The following ZKSCAN5 variants were observed in gnomAD, a reference collection of about 807,000 sequenced individuals.
The protein encoded by ZKSCAN5 is zinc finger protein with KRAB and SCAN domains 5.
ZKSCAN5 carries 28 observed loss-of-function variants against 60.0 expected under a neutral mutation model. That is an observed-to-expected ratio of 0.47 (90% CI 0.35 to 0.64). The LOEUF (loss-of-function observed/expected upper bound fraction) is 0.64. Among genes scored for constraint, ZKSCAN5 ranks in the 30% least tolerant of loss-of-function variants. ZKSCAN5 has a pLI of 0.01. For synonymous variants in ZKSCAN5, 361 were observed against 371.2 expected (o/e 0.97, Z 0.31); for missense variants, 881 against 1,034.6 (o/e 0.85, Z 2.04).
At chr7:99,508,664 G>A (rs570405939) in intron 2 of ZKSCAN5, among the ~76,000 whole-genome samples, 15 of 150,920 alleles carry the variant, frequency 9.9e-5, no homozygotes, top group Admixed American at 6.0e-4. Flanking sequence ...CAGTAGAATC[G>A]CTTGAACTTG....
Position 99,526,406 on chromosome 7 carries a change from A to G in ZKSCAN5, c.1366A>G (p.Lys456Glu), listed in dbSNP as rs2151114564. ...ACACCTAAAACGCCACTTCAGGGAG[A>G]AATCCCAGAGATGTACGTGTGAGGA... ...IEHLKRHFRE[K>E]SQRCSDKRSK... Residue 456 changes from lysine to glutamate, a missense_variant, in exon 6 of 7, where the codon AAA becomes GAA. Lys to Glu is a moderately conservative substitution (Grantham distance 56). Around this residue, in one of 5 missense-constraint regions of ZKSCAN5, gnomAD observed 490 missense variants for 554.5 expected, o/e 0.88. Coordinates refer to ENST00000326775, the MANE Select transcript of ZKSCAN5 (RefSeq NM_145102.4). 2 of 1,599,386 alleles carry G rather than the reference A, an allele frequency of 1.3e-6. No homozygotes were observed. The highest frequency in any genetic ancestry group is 1.7e-6 in the Non-Finnish European group (2 of 1,179,358).
At position 99,528,206 on chromosome 7, in the gene ZKSCAN5, C is replaced by A. The variant is rs1331007766; in HGVS notation, c.1378+1788C>A. Among the ~76,000 whole-genome samples, 25 of 148,430 alleles carry A rather than the reference C, an allele frequency of 1.7e-4. No individual in the cohort carries two copies. In the Admixed American group the frequency reaches 1.7e-3, roughly 10 times the overall value. ...CATGGCACAGAAGTCAGTAAAGTGTCTTTAAAGTTCTGGGTTTGAGCTGAG... is the reference window on the plus strand; with the variant it reads ...CATGGCACAGAAGTCAGTAAAGTGTATTTAAAGTTCTGGGTTTGAGCTGAG... On this transcript the variant is annotated intron_variant, in intron 6 of 6. Transcript: ENST00000326775.
At chr7:99,519,995 A>G (rs1251504509) in intron 4 of ZKSCAN5, 86 bp downstream of exon 4, 12 of 1,547,260 alleles carry the variant, frequency 7.8e-6, no homozygotes. Context: ...GACTAGGCCC[A>G]TCTTGGGTTG....
chr7:99,507,136 A>G (rs1454380017), intron 2 of ZKSCAN5, among the ~76,000 whole-genome samples: 2 of 152,124 alleles, frequency 1.3e-5, no homozygotes, highest in African/African-American at 4.8e-5. Context: ...GCTGTACCAT[A>G]TTCTGTATGT....
chr7:99,530,967 G>T (rs1056960891), intron 6 of ZKSCAN5, 141 bp from the exon 7 acceptor site: 1 of 697,266 alleles, frequency 1.4e-6, no homozygotes. Flanking sequence ...TGAGGCAGGA[G>T]AATCACTTGA....
rs570024325 is a variant in ZKSCAN5 at position 99,506,283 on chromosome 7, G to T, written c.239G>T (p.Arg80Met). ...CGGGTGCTCTGCTGTGAGTGGCTGA[G>T]GCCCGAGCTGCACACGAAGGAGCAG... The part of the protein sequence containing the change: ...QLRVLCCEWL[R>M]PELHTKEQIL... Residue 80 changes from arginine (R) to methionine (M), a missense_variant, in exon 2 of 7, where the codon AGG becomes ATG. This residue lies in a region of ZKSCAN5 where 53 missense variants were observed against 88.7 expected (regional missense o/e 0.60). Transcript: ENST00000326775. The T allele has an allele frequency of 1.2e-6, 2 of 1,614,220 alleles. No individual in the cohort carries two copies. The highest frequency in any genetic ancestry group is 2.7e-5 in the African/African-American group (2 of 75,052).
chr7:99,509,392 G>A (rs1229475847), intron 2 of ZKSCAN5, among the ~76,000 whole-genome samples: 2 of 152,128 alleles, frequency 1.3e-5, no homozygotes, highest in Non-Finnish European at 2.9e-5. Context: ...CCAAAGTGCT[G>A]GGATTGCAGG....
rs1801774993 is a variant in ZKSCAN5, at chr7:99,526,107, T to C, written c.1067T>C (p.Leu356Pro). 1 of 1,614,014 alleles carries C rather than the reference T, an allele frequency of 6.2e-7. No homozygotes were observed. The highest frequency in any genetic ancestry group is 8.5e-7 in the Non-Finnish European group (1 of 1,180,030). Residue 356 changes from leucine (L) to proline (P), a missense_variant, in exon 6 of 7, where the codon CTC becomes CCC. Transcript: ENST00000326775. ...HRCSDCGKFF[L>P]QASNFIQHRR... is the part of the protein sequence containing the mutation. ...TGCAGCGATTGTGGCAAATTCTTCC[T>C]CCAAGCCTCAAACTTTATTCAGCAT...
Position 99,512,440 on chromosome 7 carries a change from T to C in ZKSCAN5, c.415-13T>C. The C allele has an allele frequency of 6.2e-7, 1 of 1,612,792 alleles. No individual in the cohort carries two copies. Among genetic ancestry groups the C allele is most frequent in the Non-Finnish European group, 8.5e-7 (1 of 1,179,286 alleles). Reference sequence around the variant, plus strand: ...CTGTAACTGTACTGATCGGTTTTGGTTGTGGTTGTTAGATTGTTGCCTGCC... The same window carrying C: ...CTGTAACTGTACTGATCGGTTTTGGCTGTGGTTGTTAGATTGTTGCCTGCC... On this transcript the variant is annotated splice_polypyrimidine_tract_variant and intron_variant, in intron 2 of 6. Transcript: ENST00000326775.
intron 6 of ZKSCAN5, among the ~76,000 whole-genome samples, chr7:99,528,119 CTTTTT>C (rs869150553): frequency 8.2e-6 from 1 of 121,254 alleles, no homozygotes; most frequent in African/African-American, 3.0e-5. Context: ...AAATGTTTTT[CTTTTT>C]TTTTTTTTTT....
intron 5 of ZKSCAN5, among the ~76,000 whole-genome samples, chr7:99,524,384 G>A (rs899354761): frequency 1.4e-4 from 21 of 151,886 alleles, no homozygotes; most frequent in South Asian, 2.1e-4. Context: ...GATAATTTTT[G>A]TATTTTTTGT....
intron 3 of ZKSCAN5, among the ~76,000 whole-genome samples, chr7:99,518,007 T>C (rs1801342251): frequency 1.3e-5 from 2 of 152,028 alleles, no homozygotes; most frequent in Non-Finnish European, 2.9e-5. Flanking sequence ...AGAGAATAGA[T>C]TTAATACATA....
In ZKSCAN5 at chr7:99,533,939, C is replaced by A; in HGVS notation, c.*1690C>A. ...AGTGGATTGTGGAGTTGGTCACTCGCCAGGAGGGAGTGAAGACCCGCATCA... is the reference window on the plus strand; with the variant it reads ...AGTGGATTGTGGAGTTGGTCACTCGACAGGAGGGAGTGAAGACCCGCATCA... On this transcript the variant is annotated 3_prime_UTR_variant, in exon 7 of 7. Coordinates refer to ENST00000326775, the MANE Select transcript of ZKSCAN5 (RefSeq NM_145102.4). The A allele has an allele frequency of 3.9e-6, 1 of 257,180 alleles. No homozygotes were observed. Among genetic ancestry groups the A allele is most frequent in the African/African-American group, 2.2e-5 (1 of 45,234 alleles). The allele number at this position is 257,180 out of a possible 1,614,324, so 15.9% of individuals were successfully genotyped here. A position where few individuals can be genotyped will look rare whatever the true frequency, so the allele number is the denominator to read the frequency against.
rs1312695883 is a variant in ZKSCAN5 at position 99,531,872 on chromosome 7, C to T, written c.2143C>T (p.Gln715Ter). Residue 715 changes from glutamine to a stop codon, truncating the protein, a stop_gained, in exon 7 of 7, where the codon CAG becomes TAG. Transcript: ENST00000326775. LOFTEE classifies it low-confidence loss of function (END_TRUNC). ...IEDKKIELQE[Q>*]PYQCDICGKA... The stretch of plus-strand genomic sequence containing the variant: ...AGACAAGAAGATTGAGTTACAAGAG[C>T]AGCCTTATCAGTGTGATATCTGTGG... 6.2e-7 allele frequency: 1 copy of T among 1,614,034 alleles called. No individual in the cohort carries two copies. The highest frequency in any genetic ancestry group is 1.3e-5 in the African/African-American group (1 of 74,926).
chr7:99,521,390 G>T (rs1584190667), intron 5 of ZKSCAN5, among the ~76,000 whole-genome samples: 1 of 152,010 alleles, frequency 6.6e-6, no homozygotes, highest in South Asian at 2.1e-4. Flanking sequence ...TAGAGACAGG[G>T]TTTCACCATA....
Position 99,532,026 on chromosome 7 carries a change from TCTA to T in ZKSCAN5, c.2300_2302del (p.Tyr767del), listed in dbSNP as rs1802073886. 1 of 1,614,146 alleles carries T rather than the reference TCTA, an allele frequency of 6.2e-7. No homozygotes were observed. The highest frequency in any genetic ancestry group is 1.3e-5 in the African/African-American group (1 of 75,024). On this transcript the variant is annotated inframe_deletion, in exon 7 of 7. Transcript: ENST00000326775. ...TCCCACACCAAACAACATCAAAAAA[TCTA>T]CTCCAGCACAAAATCCCATCAATGT...
chr7:99,518,108 C>T (rs1262596222), intron 3 of ZKSCAN5, among the ~76,000 whole-genome samples: 1 of 152,156 alleles, frequency 6.6e-6, no homozygotes, highest in Non-Finnish European at 1.5e-5. Flanking sequence ...AGCCGTGGCA[C>T]TGGCATTACC....
chr7:99,520,053 A>C (rs867670637), intron 4 of ZKSCAN5, 116 bp from the exon 5 acceptor site: 33 of 1,509,204 alleles, frequency 2.2e-5, no homozygotes, highest in Non-Finnish European at 3.0e-5. Context: ...GTCCTTCCCC[A>C]TCCTCTTTGA....
intron 6 of ZKSCAN5, among the ~76,000 whole-genome samples, chr7:99,529,472 A>G (rs1022297073): frequency 2.6e-5 from 4 of 152,108 alleles, no homozygotes; most frequent in African/African-American, 4.8e-5. Flanking sequence ...TCATTGCTCA[A>G]CGGGCACTTA....
Sources: allele counts gnomAD v4.1 joint callset (sites outside exome capture counted in the v4.1 genomes callset), GRCh38; gene constraint gnomAD v4.1.1; regional missense constraint gnomAD v4.1.1; transcripts MANE v1.5; gene names NCBI Gene and HGNC (gene_info 2026-07-23, HGNC 2026-07-21).